The following COBLL1 variants were observed in gnomAD, a reference collection of about 807,000 sequenced individuals.
The protein encoded by COBLL1 is cordon-bleu WH2 repeat protein like 1, also known as cordon-bleu protein-like 1.
COBLL1 carries 50 observed loss-of-function variants against 94.8 expected under a neutral mutation model. The observed-to-expected ratio is 0.53, with a 90% CI of 0.42 to 0.67. The LOEUF (loss-of-function observed/expected upper bound fraction) is 0.67. Among genes scored for constraint, COBLL1 ranks in the 30% least tolerant of loss-of-function variants. COBLL1 has a pLI of 0.00. For missense variants in COBLL1, 1,362 were observed against 1,348.7 expected (o/e 1.01, Z -0.15); for synonymous variants, 448 against 473.8 (o/e 0.95, Z 0.71).
At chr2:164,778,622 A>T (rs1464688737) in intron 2 of COBLL1, among the ~76,000 whole-genome samples, 1 of 152,186 alleles carries the variant, frequency 6.6e-6, no homozygotes, top group African/African-American at 2.4e-5. Flanking sequence ...TTCCAAGCAA[A>T]GCCTTGTAGG....
chr2:164,826,861 A>G (rs1450840120), intron 2 of COBLL1, among the ~76,000 whole-genome samples: 1 of 151,814 alleles, frequency 6.6e-6, no homozygotes, highest in African/African-American at 2.4e-5. Context: ...ATCCCATTAA[A>G]TGATCATTTC....
intron 7 of COBLL1, among the ~76,000 whole-genome samples, chr2:164,716,434 G>A (rs1438991252): frequency 6.6e-6 from 1 of 152,020 alleles, no homozygotes; most frequent in Non-Finnish European, 1.5e-5. Context: ...TAATGGGAAA[G>A]TTTTCTTTTC....
At chr2:164,745,953 G>A (rs760217113) in intron 2 of COBLL1, among the ~76,000 whole-genome samples, 4 of 152,110 alleles carry the variant, frequency 2.6e-5, no homozygotes, top group Non-Finnish European at 4.4e-5. Flanking sequence ...ATATGAAAGT[G>A]TCAATAGCCT....
At position 164,700,521 on chromosome 2, in the gene COBLL1, C is replaced by T; in HGVS notation, c.1460+1G>A. 1 of 1,590,142 alleles carries T rather than the reference C, an allele frequency of 6.3e-7. No individual in the cohort carries two copies. The highest frequency in any genetic ancestry group is 8.6e-7 in the Non-Finnish European group (1 of 1,158,736). ...AACACTCCAGCACAGAGACTACTTA[C>T]TGTCCATCTGTGCTTTTAGTTTCTT... On this transcript the variant is annotated splice_donor_variant, in intron 10 of 13. Coordinates refer to ENST00000652658, the MANE Select transcript of COBLL1 (RefSeq NM_001365672.2). LOFTEE classifies it high-confidence loss of function.
intron 4 of COBLL1, 39 bp downstream of exon 4, chr2:164,729,875 G>T: frequency 6.6e-7 from 1 of 1,518,742 alleles, no homozygotes; most frequent in South Asian, 1.1e-5. Context: ...TGCTGATAAT[G>T]ACTGAATAAG....
intron 3 of COBLL1, chr2:164,743,343 C>G (rs761476575): frequency 1.1e-5 from 2 of 174,724 alleles, no homozygotes; most frequent in Non-Finnish European, 2.4e-5. Flanking sequence ...CTGTGGGTCA[C>G]TGGGCTTGTT....
At chr2:164,703,383 T>C (rs1684418934) in intron 9 of COBLL1, among the ~76,000 whole-genome samples, 1 of 152,202 alleles carries the variant, frequency 6.6e-6, no homozygotes, top group Non-Finnish European at 1.5e-5. Flanking sequence ...GAAAAACAGA[T>C]ATGAAGCAAA....
chr2:164,758,499 T>A (rs1295568178), intron 2 of COBLL1, among the ~76,000 whole-genome samples: 1 of 152,156 alleles, frequency 6.6e-6, no homozygotes, highest in Non-Finnish European at 1.5e-5. Flanking sequence ...TTGCACAACT[T>A]TCTGCCCATA....
intron 2 of COBLL1, among the ~76,000 whole-genome samples, chr2:164,793,455 G>A (rs922232100): frequency 5.9e-5 from 9 of 151,922 alleles, no homozygotes; most frequent in African/African-American, 2.2e-4. Flanking sequence ...GTATTTTCAT[G>A]TTATTTTGAC....
intron 2 of COBLL1, among the ~76,000 whole-genome samples, chr2:164,798,342 G>C (rs1172255016): frequency 2.0e-5 from 3 of 152,082 alleles, no homozygotes; most frequent in African/African-American, 4.8e-5. Flanking sequence ...CTTCTCCCTA[G>C]AGTTTGCCAA....
chr2:164,731,881 T>C (rs988295807), intron 3 of COBLL1, among the ~76,000 whole-genome samples: 2 of 152,212 alleles, frequency 1.3e-5, no homozygotes, highest in African/African-American at 2.4e-5. Flanking sequence ...CTCCCAGGCC[T>C]GCAGCCTCTG....
At chr2:164,736,873 C>T (rs895926466) in intron 3 of COBLL1, among the ~76,000 whole-genome samples, 2 of 152,160 alleles carry the variant, frequency 1.3e-5, no homozygotes, top group African/African-American at 2.4e-5. Context: ...GAATAAAAGG[C>T]TAGACACTGC....
At chr2:164,831,537 AT>A (rs199548571) in intron 2 of COBLL1, among the ~76,000 whole-genome samples, 3 of 150,158 alleles carry the variant, frequency 2.0e-5, no homozygotes. Context: ...CAGAAAAAAT[AT>A]TTTTTTTTGC....
At chr2:164,821,255 C>T (rs1685155401) in intron 2 of COBLL1, among the ~76,000 whole-genome samples, 1 of 152,118 alleles carries the variant, frequency 6.6e-6, no homozygotes, top group Admixed American at 6.6e-5. Flanking sequence ...GATGGCACCA[C>T]AAAGCTCAAA....
At chr2:164,705,718 C>T (rs73013660) in intron 7 of COBLL1, among the ~76,000 whole-genome samples, 1,716 of 152,146 alleles carry the variant, frequency 0.011, 32 homozygotes, top group African/African-American at 0.038. Context: ...AATGAATGAA[C>T]GAATAAATAA....
intron 2 of COBLL1, among the ~76,000 whole-genome samples, chr2:164,831,693 T>C (rs954983202): frequency 6.6e-6 from 1 of 152,068 alleles, no homozygotes; most frequent in East Asian, 1.9e-4. Flanking sequence ...CACGGATACC[T>C]GAGAATTATG....
chr2:164,756,088 A>AGG (rs372846497), intron 2 of COBLL1, among the ~76,000 whole-genome samples: 1 of 119,816 alleles, frequency 8.3e-6, no homozygotes, highest in East Asian at 3.3e-4. Flanking sequence ...GGAGGGAGGG[A>AGG]GGGAGAGAGA....
Position 164,683,005 on chromosome 2 carries a change from T to TAC in COBLL1, c.*2939_*2940dup, listed in dbSNP as rs71393632. ...CTCCTTTCATGTTAAGAAACACACATACACACACACACACACACACACACA... is the reference window on the plus strand; with the variant it reads ...CTCCTTTCATGTTAAGAAACACACATACACACACACACACACACACACACACA... On this transcript the variant is annotated 3_prime_UTR_variant, in exon 14 of 14. Coordinates refer to ENST00000652658, the MANE Select transcript of COBLL1 (RefSeq NM_001365672.2). 43,501 of 138,676 alleles carry TAC rather than the reference T, an allele frequency of 0.31. 6,576 individuals carry two copies. Among genetic ancestry groups the TAC allele is most frequent in the African/African-American group, 0.39 (14,964 of 38,090 alleles). The allele number at this position is 138,676 out of a possible 1,614,324, so 8.6% of individuals were successfully genotyped here.
Position 164,830,689 on chromosome 2 carries a change from A to G in COBLL1, c.41+10467T>C, listed in dbSNP as rs2105380697. Reference sequence around the variant, plus strand: ...GAGTGAATTTACGACATACTTCTACATAGAATCACAGACATACAGTATGAA... The same window carrying G: ...GAGTGAATTTACGACATACTTCTACGTAGAATCACAGACATACAGTATGAA... On this transcript the variant is annotated intron_variant, in intron 2 of 13. Transcript: ENST00000652658. Among the ~76,000 whole-genome samples, 2 of 152,320 alleles carry G rather than the reference A, an allele frequency of 1.3e-5. 1 individual carries two copies. The highest frequency in any genetic ancestry group is 4.1e-4 in the South Asian group (2 of 4,824).
Sources: gnomAD v4.1 joint callset for allele counts (sites outside exome capture counted in the v4.1 genomes callset) on GRCh38, gnomAD v4.1.1 for gene constraint, MANE v1.5 for transcripts, NCBI Gene and HGNC (gene_info 2026-07-23, HGNC 2026-07-21) for gene names.